The following PIK3C2A variants were observed in gnomAD, a reference collection of about 807,000 sequenced individuals.
The protein encoded by PIK3C2A is phosphatidylinositol 4-phosphate 3-kinase C2 domain-containing subunit alpha.
PIK3C2A carries 97 observed loss-of-function variants against 204.5 expected under a neutral mutation model. The ratio of observed to expected loss-of-function variants is 0.47; its 90% CI spans 0.40 to 0.56. The LOEUF is 0.56. Ranked by LOEUF, PIK3C2A falls within the 20% of genes least tolerant of loss-of-function variation. The pLI is 0.00. For synonymous variants in PIK3C2A, 653 were observed against 664.4 expected (o/e 0.98, Z 0.26); for missense variants, 1,735 against 1,969.2 (o/e 0.88, Z 2.25).
intron 1 of PIK3C2A, among the ~76,000 whole-genome samples, chr11:17,180,528 CAA>C (rs11358909): frequency 1.4e-5 from 2 of 147,598 alleles, no homozygotes; most frequent in African/African-American, 2.5e-5. Flanking sequence ...CAACAAAAAA[CAA>C]AAAAAAAAAG....
chr11:17,130,812 A>G (rs1849668403), intron 12 of PIK3C2A, among the ~76,000 whole-genome samples: 1 of 151,784 alleles, frequency 6.6e-6, no homozygotes, highest in Non-Finnish European at 1.5e-5. Context: ...ATCTCAAAAA[A>G]AAAAAAAAAA....
intron 4 of PIK3C2A, among the ~76,000 whole-genome samples, chr11:17,149,565 T>C (rs1850361886): frequency 6.6e-6 from 1 of 152,112 alleles, no homozygotes; most frequent in Admixed American, 6.6e-5. Context: ...ATGTTTGACA[T>C]TTGCCTGGTA....
rs1310984853 is a variant in PIK3C2A, at chr11:17,156,557, A to AT, written c.1066-929dup. ...GCCACCCCACCTGGCTAATTTTTGT[A>AT]TTTTTTGTAGAGTCGGGGTTTTACC... On this transcript the variant is annotated intron_variant, in intron 2 of 32. Coordinates refer to ENST00000691414, the MANE Select transcript of PIK3C2A (RefSeq NM_002645.4). Among the ~76,000 whole-genome samples the AT allele has an allele frequency of 3.3e-5, 5 of 151,972 alleles. No individual in the cohort carries two copies. In the East Asian group the frequency reaches 9.7e-4, roughly 29 times the overall value.
chr11:17,207,132 A>G (rs1477243936), intron 1 of PIK3C2A, among the ~76,000 whole-genome samples: 2 of 152,206 alleles, frequency 1.3e-5, no homozygotes, highest in African/African-American at 4.8e-5. Flanking sequence ...TCGTTTTTAA[A>G]GCCAGAAATT....
intron 1 of PIK3C2A, among the ~76,000 whole-genome samples, chr11:17,175,072 G>C (rs1851295993): frequency 6.6e-6 from 1 of 152,114 alleles, no homozygotes; most frequent in East Asian, 1.9e-4. Flanking sequence ...GAAGGATCTA[G>C]ATTTTTTAAA....
chr11:17,207,122 T>C (rs1339334226), intron 1 of PIK3C2A, among the ~76,000 whole-genome samples: 1 of 152,192 alleles, frequency 6.6e-6, no homozygotes, highest in African/African-American at 2.4e-5. Context: ...CTAGAGAATG[T>C]CGTTTTTAAA....
At chr11:17,165,660 A>G (rs1850918531) in intron 2 of PIK3C2A, among the ~76,000 whole-genome samples, 1 of 151,962 alleles carries the variant, frequency 6.6e-6, no homozygotes, top group Non-Finnish European at 1.5e-5. Context: ...CTGTAATCCC[A>G]GCTACTCGGG....
chr11:17,167,923 GTTAT>G (rs1851022285), intron 2 of PIK3C2A, among the ~76,000 whole-genome samples: 2 of 151,940 alleles, frequency 1.3e-5, no homozygotes, highest in African/African-American at 2.4e-5. Context: ...TCTCTCTGGG[GTTAT>G]TTATTCATTG....
chr11:17,110,318 A>T, intron 22 of PIK3C2A, 114 bp downstream of exon 22: 1 of 723,834 alleles, frequency 1.4e-6, no homozygotes, highest in Non-Finnish European at 2.2e-6. Context: ...ACTGGATTAA[A>T]ATAAGAAACA....
At chr11:17,117,448 CT>C in intron 19 of PIK3C2A, 42 bp downstream of exon 19, 1 of 1,386,232 alleles carries the variant, frequency 7.2e-7, no homozygotes, top group Non-Finnish European at 1.0e-6. Flanking sequence ...AAGATCCTTC[CT>C]TTAACATTAA....
At chr11:17,179,723 T>C (rs1851469374) in intron 1 of PIK3C2A, among the ~76,000 whole-genome samples, 1 of 152,084 alleles carries the variant, frequency 6.6e-6, no homozygotes, top group Admixed American at 6.5e-5. Context: ...GCTCAAGGGA[T>C]CCTCCTGCCT....
intron 22 of PIK3C2A, 146 bp downstream of exon 22, chr11:17,110,286 G>T: frequency 1.8e-6 from 1 of 568,410 alleles, no homozygotes; most frequent in Non-Finnish European, 3.0e-6. Context: ...TTAATTATGA[G>T]CAACTGAATC....
chr11:17,119,725 C>A (rs762398166), intron 16 of PIK3C2A, 61 bp downstream of exon 16: 9 of 1,000,264 alleles, frequency 9.0e-6, no homozygotes, highest in Non-Finnish European at 1.2e-5. Context: ...ATACTTCTGG[C>A]AACATACCTT....
chr11:17,183,614 G>C (rs752134818), intron 1 of PIK3C2A, among the ~76,000 whole-genome samples: 1 of 152,148 alleles, frequency 6.6e-6, no homozygotes, highest in African/African-American at 2.4e-5. Context: ...CTGGGAGGCA[G>C]AGGTTGCAGT....
At chr11:17,094,704 G>C (rs910049126) in intron 27 of PIK3C2A, among the ~76,000 whole-genome samples, 3 of 152,064 alleles carry the variant, frequency 2.0e-5, no homozygotes, top group East Asian at 3.9e-4. Flanking sequence ...CTGGGCAACA[G>C]AGCGAGACTC....
chr11:17,125,291 T>A (rs1294533109), intron 13 of PIK3C2A, among the ~76,000 whole-genome samples: 1 of 152,142 alleles, frequency 6.6e-6, no homozygotes, highest in Non-Finnish European at 1.5e-5. Context: ...TAATTTTGGT[T>A]GTAAACTGAG....
At chr11:17,135,806 T>C (rs2137393442) in intron 9 of PIK3C2A, among the ~76,000 whole-genome samples, 1 of 152,220 alleles carries the variant, frequency 6.6e-6, no homozygotes, top group Admixed American at 6.5e-5. Flanking sequence ...TTTCTGAGAA[T>C]GCATGGACTA....
rs75240468 is a variant in PIK3C2A at position 17,153,694 on chromosome 11, G to C, written c.1169+1832C>G. Among the ~76,000 whole-genome samples, 27 of 152,254 alleles carry C rather than the reference G, an allele frequency of 1.8e-4. No homozygotes were observed. In the East Asian group the frequency reaches 5.2e-3, roughly 29 times the overall value. ...TGGTAATAAATTCCAAGTCTGTTTT[G>C]TATTTTATCTTAACTATAAACAAAT... On this transcript the variant is annotated intron_variant, in intron 3 of 32. Coordinates refer to ENST00000691414, the MANE Select transcript of PIK3C2A (RefSeq NM_002645.4).
chr11:17,095,578 A>G (rs10832735), intron 27 of PIK3C2A, among the ~76,000 whole-genome samples: 87,504 of 150,084 alleles, frequency 0.58, 25,673 homozygotes, highest in East Asian at 0.82. Context: ...GCAACAGAGC[A>G]AGACTCCGTC....
Sources: allele counts gnomAD v4.1 joint callset (sites outside exome capture counted in the v4.1 genomes callset), GRCh38; gene constraint gnomAD v4.1.1; transcripts MANE v1.5; gene names NCBI Gene and HGNC (gene_info 2026-07-23, HGNC 2026-07-21).